Variants in VTA1 observed in about 807,000 individuals in gnomAD.
VTA1 encodes vesicle trafficking 1, also known as vacuolar protein sorting-associated protein VTA1 homolog.
Under a neutral mutation model 36.9 loss-of-function variants are expected in VTA1, and 24 were observed. That is an observed-to-expected ratio of 0.65 (90% CI 0.47 to 0.91). The LOEUF (loss-of-function observed/expected upper bound fraction) is 0.91. Ranked by LOEUF, VTA1 falls within the 40% of genes least tolerant of loss-of-function variation. VTA1 has a pLI of 0.00. For synonymous variants in VTA1, 142 were observed against 130.2 expected, an observed-to-expected ratio of 1.09 and a Z score of -0.62; for missense variants, 393 against 377.2, an observed-to-expected ratio of 1.04 and a Z score of -0.35.
intron 4 of VTA1, among the ~76,000 whole-genome samples, chr6:142,182,433 G>C (rs1388928441): frequency 6.6e-6 from 1 of 152,146 alleles, no homozygotes; most frequent in Non-Finnish European, 1.5e-5. Context: ...GACAAGAGTG[G>C]AAAAGGCAAA....
intron 4 of VTA1, among the ~76,000 whole-genome samples, chr6:142,179,076 C>A (rs1161957593): frequency 6.6e-6 from 1 of 151,842 alleles, no homozygotes; most frequent in African/African-American, 2.4e-5. Flanking sequence ...ATAAAACTTT[C>A]AAACTATATG....
At position 142,218,537 on chromosome 6, in the gene VTA1, A is replaced by C; in HGVS notation, c.818A>C (p.Gln273Pro). The change falls in exon 8 of 8, where the codon CAG becomes CCG. Residue 273 changes from glutamine to proline, a missense_variant. Gln to Pro is a moderately conservative substitution (Grantham distance 76). Coordinates refer to ENST00000367630, the MANE Select transcript of VTA1 (RefSeq NM_016485.5). The stretch of plus-strand genomic sequence containing the variant: ...ACCCCAGAAGACTTTGCTAGAGCTC[A>C]GAAGTACTGCAAATATGCTGGCAGT... Reference protein sequence around the residue: ...RLTPEDFARAQKYCKYAGSAL... With the variant: ...RLTPEDFARAPKYCKYAGSAL... 1 of 1,613,690 alleles carries C rather than the reference A, an allele frequency of 6.2e-7. No homozygotes were observed. Among genetic ancestry groups the C allele is most frequent in the East Asian group, 2.2e-5 (1 of 44,868 alleles).
intron 7 of VTA1, among the ~76,000 whole-genome samples, chr6:142,208,069 A>T (rs1360340561): frequency 7.1e-6 from 1 of 140,268 alleles, no homozygotes; most frequent in Non-Finnish European, 1.5e-5. Flanking sequence ...AGCCTGGGTG[A>T]CAGTGAGACT....
At chr6:142,216,513 T>A (rs1242020649) in intron 7 of VTA1, among the ~76,000 whole-genome samples, 1 of 152,176 alleles carries the variant, frequency 6.6e-6, no homozygotes, top group Non-Finnish European at 1.5e-5. Context: ...CATTGGTTGT[T>A]ACTTAGTTCT....
rs753996612 is a variant in VTA1 at position 142,181,116 on chromosome 6, T to TATATATATATATAC, written c.412-8309_412-8308insTATATATATATACA. On this transcript the variant is annotated intron_variant, in intron 4 of 7. Transcript: ENST00000367630. The stretch of plus-strand genomic sequence containing the variant: ...AAAAATATATATATATATATATATA[T>TATATATATATATAC]ACACACACACACACAGACACACTTT... 1.9e-3 allele frequency among the ~76,000 whole-genome samples: 165 copies of TATATATATATATAC among 86,954 alleles called. 2 individuals are homozygous for TATATATATATATAC. The highest frequency in any genetic ancestry group is 3.0e-3 in the Non-Finnish European group (132 of 44,462). 57.0% of individuals were successfully genotyped at this position (86,954 alleles called of 152,430 possible). A position where few individuals can be genotyped will look rare whatever the true frequency, so the allele number is the denominator to read the frequency against.
At chr6:142,213,544 A>G (rs952517097) in intron 7 of VTA1, among the ~76,000 whole-genome samples, 1 of 152,206 alleles carries the variant, frequency 6.6e-6, no homozygotes, top group African/African-American at 2.4e-5. Flanking sequence ...CCAACCCCCC[A>G]TATCTTCTCT....
chr6:142,197,185 A>G (rs369692169), intron 5 of VTA1, among the ~76,000 whole-genome samples: 24 of 152,298 alleles, frequency 1.6e-4, no homozygotes, highest in Admixed American at 1.2e-3. Flanking sequence ...TAAATGTTAG[A>G]GTTCTCCAGT....
intron 1 of VTA1, among the ~76,000 whole-genome samples, chr6:142,158,830 T>A (rs1333797949): frequency 6.6e-6 from 1 of 152,148 alleles, no homozygotes; most frequent in Middle Eastern, 3.2e-3. Context: ...CCATAGCTTA[T>A]CATAGTCTAC....
intron 7 of VTA1, among the ~76,000 whole-genome samples, chr6:142,205,277 T>C (rs1195374495): frequency 6.6e-6 from 1 of 152,192 alleles, no homozygotes; most frequent in African/African-American, 2.4e-5. Context: ...AATTTTCTCT[T>C]TTCACTTTTT....
intron 6 of VTA1, among the ~76,000 whole-genome samples, chr6:142,203,078 C>A (rs1208167026): frequency 5.3e-5 from 8 of 151,876 alleles, no homozygotes; most frequent in Non-Finnish European, 1.2e-4. Context: ...AAACTTTAGA[C>A]CTTTAGAAAA....
chr6:142,167,592 T>A (rs149301005), intron 2 of VTA1, among the ~76,000 whole-genome samples: 1 of 152,234 alleles, frequency 6.6e-6, no homozygotes, highest in Non-Finnish European at 1.5e-5. Context: ...ACAAGACTTA[T>A]GCGAAGACAG....
chr6:142,157,717 A>G (rs1184643487), intron 1 of VTA1, among the ~76,000 whole-genome samples: 1 of 152,142 alleles, frequency 6.6e-6, no homozygotes, highest in African/African-American at 2.4e-5. Context: ...TGAACAGTCA[A>G]GGTATATATA....
intron 6 of VTA1, 105 bp from the exon 7 acceptor site, chr6:142,203,880 A>C: frequency 1.1e-6 from 1 of 882,876 alleles, no homozygotes; most frequent in Admixed American, 2.2e-5. Flanking sequence ...GTTTCTAGAA[A>C]ATAAGCAAAG....
chr6:142,155,243 G>A (rs1582875027), intron 1 of VTA1, among the ~76,000 whole-genome samples: 1 of 152,122 alleles, frequency 6.6e-6, no homozygotes, highest in Non-Finnish European at 1.5e-5. Context: ...TGTGTGATTG[G>A]TACAAAGTTT....
At chr6:142,182,569 T>A (rs111598253) in intron 4 of VTA1, among the ~76,000 whole-genome samples, 1 of 320 alleles carries the variant, frequency 3.1e-3, no homozygotes, top group East Asian at 0.5. Context: ...GCTGACAAAA[T>A]TTTAACAGTT....
In VTA1 at chr6:142,224,614, C is replaced by A. The variant is rs1776170058; in HGVS notation, c.*5971C>A. 1 of 151,874 alleles carries A rather than the reference C, an allele frequency of 6.6e-6. No homozygotes were observed. The highest frequency in any genetic ancestry group is 1.5e-5 in the Non-Finnish European group (1 of 67,990). The allele number at this position is 151,874 out of a possible 1,614,324, so 9.4% of individuals were successfully genotyped here. ...CTTGATGCATTGTAAGTATTCTGAC[C>A]TGGTGAAATAAATATACGAATGGGC... is the stretch of plus-strand genomic sequence containing the variant. On this transcript the variant is annotated 3_prime_UTR_variant, in exon 8 of 8. Coordinates refer to ENST00000367630, the MANE Select transcript of VTA1 (RefSeq NM_016485.5).
At chr6:142,216,030 G>T (rs974031838) in intron 7 of VTA1, among the ~76,000 whole-genome samples, 2 of 152,052 alleles carry the variant, frequency 1.3e-5, no homozygotes, top group Non-Finnish European at 1.5e-5. Flanking sequence ...TCAGAAGAGA[G>T]ATATATTAGA....
At chr6:142,212,316 A>G (rs1413206329) in intron 7 of VTA1, among the ~76,000 whole-genome samples, 2 of 152,244 alleles carry the variant, frequency 1.3e-5, no homozygotes, top group East Asian at 3.8e-4. Flanking sequence ...CATCTAGACA[A>G]TGGGATATTA....
chr6:142,216,615 C>T (rs1199102267), intron 7 of VTA1, among the ~76,000 whole-genome samples: 1 of 151,938 alleles, frequency 6.6e-6, no homozygotes, highest in Non-Finnish European at 1.5e-5. Flanking sequence ...TAATTTCATT[C>T]ACATTTTTTA....
Sources: allele counts gnomAD v4.1 joint callset (sites outside exome capture counted in the v4.1 genomes callset), GRCh38; gene constraint gnomAD v4.1.1; transcripts MANE v1.5; gene names NCBI Gene and HGNC (gene_info 2026-07-23, HGNC 2026-07-21).